NEDD4: variants seen among roughly 807,000 people sequenced by gnomAD.
The protein encoded by NEDD4 is NEDD4 E3 ubiquitin protein ligase.
In NEDD4, 99 loss-of-function variants were observed where a neutral mutation model predicts 144.9. The observed-to-expected ratio is 0.68, with a 90% CI of 0.58 to 0.81. The LOEUF is 0.81. NEDD4 is among the 30% of genes least tolerant of loss of function. The probability of loss-of-function intolerance (pLI) is 0.00; values close to 1 mark genes in which losing one functional copy is unlikely to be tolerated. For missense variants in NEDD4, 985 were observed against 1,065.9 expected, an observed-to-expected ratio of 0.92 and a Z score of 1.06; for synonymous variants, 318 against 350.6, an observed-to-expected ratio of 0.91 and a Z score of 1.04.
At chr15:55,842,269 C>A in intron 18 of NEDD4, 106 bp from the exon 19 acceptor site, 1 of 907,882 alleles carries the variant, frequency 1.1e-6, no homozygotes, top group Non-Finnish European at 1.7e-6. Context: ...GTCCAAGTCT[C>A]TTTTTCCTTA....
intron 13 of NEDD4, among the ~76,000 whole-genome samples, chr15:55,851,324 A>C (rs2033970829): frequency 1.3e-5 from 2 of 152,198 alleles, no homozygotes; most frequent in Non-Finnish European, 2.9e-5. Flanking sequence ...GCTTTAAAAC[A>C]ATGTTAAGCA....
chr15:55,985,396 C>T (rs1595890337), intron 1 of NEDD4, among the ~76,000 whole-genome samples: 2 of 152,092 alleles, frequency 1.3e-5, no homozygotes, highest in Admixed American at 1.3e-4. Flanking sequence ...CAGAAGGGTG[C>T]CCACTGGCAA....
chr15:55,950,731 C>T lies in NEDD4; in HGVS notation c.237+645G>A, dbSNP rs138425602. ...TTCCTTATTCAGGTGAACAGAGAAA[C>T]GACTCAACAGCTAAAGGGGAATATG... is the stretch of plus-strand genomic sequence containing the variant. On this transcript the variant is annotated intron_variant, in intron 4 of 28. Transcript: ENST00000435532. 2.4e-3 allele frequency among the ~76,000 whole-genome samples: 367 copies of T among 152,134 alleles called. 2 individuals carry two copies. The highest frequency in any genetic ancestry group is 8.1e-3 in the African/African-American group (337 of 41,500).
chr15:55,938,673 C>A (rs114465327), intron 4 of NEDD4, among the ~76,000 whole-genome samples: 6 of 151,762 alleles, frequency 4.0e-5, no homozygotes, highest in Admixed American at 3.9e-4. Flanking sequence ...GAAAAGGCAC[C>A]GTACAAAATG....
chr15:55,977,091 G>A (rs2037715687), intron 1 of NEDD4, among the ~76,000 whole-genome samples: 1 of 152,128 alleles, frequency 6.6e-6, no homozygotes. Flanking sequence ...GCATATCATA[G>A]ATTATTTATT....
chr15:55,895,266 A>G, intron 5 of NEDD4, among the ~76,000 whole-genome samples: 1 of 152,226 alleles, frequency 6.6e-6, no homozygotes, highest in East Asian at 1.9e-4. Flanking sequence ...AAAGGAAAAG[A>G]TAACTTTCGA....
At chr15:55,873,338 A>G (rs1467037719) in intron 6 of NEDD4, among the ~76,000 whole-genome samples, 1 of 152,142 alleles carries the variant, frequency 6.6e-6, no homozygotes, top group Non-Finnish European at 1.5e-5. Context: ...TCAGCAGTCT[A>G]CTTTAAACTT....
intron 5 of NEDD4, among the ~76,000 whole-genome samples, chr15:55,879,517 A>C (rs1355957813): frequency 6.6e-6 from 1 of 152,224 alleles, no homozygotes; most frequent in East Asian, 1.9e-4. Context: ...AAATATTGGA[A>C]TATTATACAT....
intron 7 of NEDD4, among the ~76,000 whole-genome samples, chr15:55,870,704 T>C (rs1407206850): frequency 6.6e-6 from 1 of 152,022 alleles, no homozygotes; most frequent in African/African-American, 2.4e-5. Flanking sequence ...CGGTTAATTT[T>C]TGTATTTTTT....
rs548993073 is a variant in NEDD4, at chr15:55,985,854, T to C, written c.45+7657A>G. On this transcript the variant is annotated intron_variant, in intron 1 of 28. Transcript: ENST00000435532. ...ACAATGAGCACACCAAGTACCCAAATTGTAGCATGTAAAAACCATTTTATA... is the reference window on the plus strand; with the variant it reads ...ACAATGAGCACACCAAGTACCCAAACTGTAGCATGTAAAAACCATTTTATA... Among the ~76,000 whole-genome samples the C allele has an allele frequency of 3.8e-4, 58 of 151,988 alleles. No individual in the cohort carries two copies. In the South Asian group the frequency reaches 1.0e-2, roughly 26 times the overall value.
chr15:55,836,591 T>A (rs1362941201), intron 24 of NEDD4, among the ~76,000 whole-genome samples: 1 of 152,126 alleles, frequency 6.6e-6, no homozygotes, highest in Non-Finnish European at 1.5e-5. Context: ...AGTGGCGTAA[T>A]CTTGGCTCAC....
chr15:55,875,488 T>C (rs2034962576), intron 5 of NEDD4, among the ~76,000 whole-genome samples: 1 of 152,078 alleles, frequency 6.6e-6, no homozygotes, highest in African/African-American at 2.4e-5. Flanking sequence ...TGGCTGATTT[T>C]TGTATTTTTA....
intron 1 of NEDD4, among the ~76,000 whole-genome samples, chr15:55,973,054 A>G (rs373614012): frequency 1.3e-5 from 2 of 152,186 alleles, no homozygotes; most frequent in Non-Finnish European, 2.9e-5. Flanking sequence ...TCAATATCCC[A>G]CTTTCGGCAC....
chr15:55,963,017 T>A (rs1327213578), intron 2 of NEDD4, among the ~76,000 whole-genome samples: 1 of 152,092 alleles, frequency 6.6e-6, no homozygotes, highest in African/African-American at 2.4e-5. Flanking sequence ...ACTCCTGTCC[T>A]CAGGTGATCC....
chr15:55,969,142 T>G (rs2037566734), intron 1 of NEDD4, among the ~76,000 whole-genome samples: 1 of 151,852 alleles, frequency 6.6e-6, no homozygotes, highest in Non-Finnish European at 1.5e-5. Flanking sequence ...AAGGGCAAAG[T>G]GATTGTGGGA....
chr15:55,906,799 A>T (rs1166564472), intron 5 of NEDD4, among the ~76,000 whole-genome samples: 1 of 152,176 alleles, frequency 6.6e-6, no homozygotes, highest in Non-Finnish European at 1.5e-5. Flanking sequence ...TAAATAAATA[A>T]AAAATAAAAT....
intron 1 of NEDD4, among the ~76,000 whole-genome samples, chr15:55,989,011 G>T (rs1291592843): frequency 1.3e-5 from 2 of 152,142 alleles, no homozygotes; most frequent in Non-Finnish European, 2.9e-5. Context: ...CGAGGCAGGC[G>T]GATCATCTGA....
intron 5 of NEDD4, among the ~76,000 whole-genome samples, chr15:55,880,700 T>G (rs1217078893): frequency 6.6e-6 from 1 of 152,096 alleles, no homozygotes; most frequent in Non-Finnish European, 1.5e-5. Flanking sequence ...AAAGGAAGTC[T>G]CAGAGTAACA....
intron 1 of NEDD4, among the ~76,000 whole-genome samples, chr15:55,976,573 C>T (rs1206409380): frequency 6.6e-6 from 1 of 151,250 alleles, no homozygotes; most frequent in African/African-American, 2.4e-5. Flanking sequence ...TGGGCAATAA[C>T]AAATGCTGGC....
Sources: allele counts gnomAD v4.1 joint callset (sites outside exome capture counted in the v4.1 genomes callset), GRCh38; gene constraint gnomAD v4.1.1; transcripts MANE v1.5; gene names NCBI Gene and HGNC (gene_info 2026-07-23, HGNC 2026-07-21).